Variants in AGBL4 observed in about 807,000 individuals in gnomAD.
AGBL4 encodes the protein cytosolic carboxypeptidase 6.
Under a neutral mutation model 66.4 loss-of-function variants are expected in AGBL4, and 58 were observed. The observed-to-expected ratio is 0.87, with a 90% CI of 0.71 to 1.09. The LOEUF is 1.09. Ranked by LOEUF, AGBL4 falls within the 50% of genes least tolerant of loss-of-function variation. The pLI, the probability that AGBL4 is intolerant of heterozygous loss-of-function variation, is 0.00. For missense variants in AGBL4, 579 were observed against 631.0 expected, an observed-to-expected ratio of 0.92 and a Z score of 0.88; for synonymous variants, 234 against 222.9, an observed-to-expected ratio of 1.05 and a Z score of -0.44.
At chr1:48,538,015 A>G (rs954463972) in intron 12 of AGBL4, among the ~76,000 whole-genome samples, 1 of 152,202 alleles carries the variant, frequency 6.6e-6, no homozygotes, top group Non-Finnish European at 1.5e-5. Flanking sequence ...TGCACAATGC[A>G]GGACAGGCAC....
At position 48,587,170 on chromosome 1, in the gene AGBL4, T is replaced by A. The variant is rs1644836199; in HGVS notation, c.1105-4A>T. The A allele has an allele frequency of 1.9e-6, 3 of 1,549,782 alleles. No individual in the cohort carries two copies. In the East Asian group the frequency reaches 7.3e-5, roughly 38 times the overall value. Reference sequence around the variant, plus strand: ...CCCGGTTAAAGGATGTGCTGGACTGTGAAAGACAGAGTAGGGAGGAGAGAA... The same window carrying A: ...CCCGGTTAAAGGATGTGCTGGACTGAGAAAGACAGAGTAGGGAGGAGAGAA... On this transcript the variant is annotated splice_polypyrimidine_tract_variant and splice_region_variant and intron_variant, in intron 10 of 13. Coordinates refer to ENST00000371839, the MANE Select transcript of AGBL4 (RefSeq NM_032785.4).
downstream of AGBL4, among the ~76,000 whole-genome samples, chr1:48,531,842 C>T (rs1643908298): frequency 6.6e-6 from 1 of 152,132 alleles, no homozygotes; most frequent in Non-Finnish European, 1.5e-5. Flanking sequence ...GTGGCATGAT[C>T]ATGGCTCATT....
chr1:49,049,684 C>A (rs1644167380), intron 4 of AGBL4, among the ~76,000 whole-genome samples: 1 of 151,938 alleles, frequency 6.6e-6, no homozygotes, highest in Non-Finnish European at 1.5e-5. Flanking sequence ...TAACATTCAG[C>A]TGAAGAGAAA....
At chr1:49,624,482 T>C (rs1323663124) in intron 3 of AGBL4, among the ~76,000 whole-genome samples, 1 of 152,216 alleles carries the variant, frequency 6.6e-6, no homozygotes, top group East Asian at 1.9e-4. Context: ...AGCTAAAATA[T>C]GAAACAACTC....
At chr1:48,542,019 G>A (rs1431201522) in intron 11 of AGBL4, among the ~76,000 whole-genome samples, 1 of 152,092 alleles carries the variant, frequency 6.6e-6, no homozygotes, top group East Asian at 1.9e-4. Flanking sequence ...TGGCCCCAGT[G>A]TGTGTTTTTC....
At chr1:48,814,755 T>C (rs1201053319) in intron 6 of AGBL4, among the ~76,000 whole-genome samples, 2 of 152,174 alleles carry the variant, frequency 1.3e-5, no homozygotes, top group South Asian at 2.1e-4. Flanking sequence ...TTTTTGATGA[T>C]TGACTAGTAT....
intron 3 of AGBL4, among the ~76,000 whole-genome samples, chr1:49,296,776 T>A (rs1214416192): frequency 1.3e-5 from 2 of 152,182 alleles, no homozygotes; most frequent in Non-Finnish European, 2.9e-5. Flanking sequence ...GAATAAGTCC[T>A]TGGGAGATAA....
chr1:48,802,140 C>T (rs1265358879), intron 6 of AGBL4, among the ~76,000 whole-genome samples: 1 of 152,176 alleles, frequency 6.6e-6, no homozygotes, highest in Non-Finnish European at 1.5e-5. Flanking sequence ...CCTGCTTCCT[C>T]TCTGTCCTTA....
At chr1:49,467,030 C>T (rs1167604453) in intron 3 of AGBL4, among the ~76,000 whole-genome samples, 1 of 151,690 alleles carries the variant, frequency 6.6e-6, no homozygotes, top group African/African-American at 2.4e-5. Context: ...ATACCATACC[C>T]AATAGCTAAT....
chr1:49,022,707 G>C lies in AGBL4; in HGVS notation c.594+22877C>G, dbSNP rs193187526. ...TGAACTTACTCTTCTTGGCAAAATA[G>C]ATGGGTCCATCTGGAAGAATTGATT... On this transcript the variant is annotated intron_variant, in intron 5 of 13. Coordinates refer to ENST00000371839, the MANE Select transcript of AGBL4 (RefSeq NM_032785.4). 2.0e-5 allele frequency among the ~76,000 whole-genome samples: 3 copies of C among 152,236 alleles called. No individual in the cohort carries two copies. The East Asian group carries it at 5.8e-4, about 29-fold the overall frequency.
At chr1:48,883,247 T>C (rs1570915932) in intron 5 of AGBL4, among the ~76,000 whole-genome samples, 1 of 152,124 alleles carries the variant, frequency 6.6e-6, no homozygotes, top group African/African-American at 2.4e-5. Flanking sequence ...TGTACAAGGG[T>C]TTCCTTTCCT....
chr1:49,316,765 AT>A (rs1271198906), intron 3 of AGBL4, among the ~76,000 whole-genome samples: 3 of 151,890 alleles, frequency 2.0e-5, no homozygotes, highest in Non-Finnish European at 4.4e-5. Flanking sequence ...TCAATTTTGT[AT>A]CTGGAAATTT....
intron 3 of AGBL4, among the ~76,000 whole-genome samples, chr1:49,485,222 G>A (rs1292086694): frequency 6.6e-6 from 1 of 151,868 alleles, no homozygotes; most frequent in Non-Finnish European, 1.5e-5. Context: ...GTCCAACAAT[G>A]ATAGACTGGA....
At chr1:49,407,665 C>T (rs1570644189) in intron 3 of AGBL4, among the ~76,000 whole-genome samples, 1 of 151,766 alleles carries the variant, frequency 6.6e-6, no homozygotes, top group East Asian at 1.9e-4. Context: ...CTTAATTGTT[C>T]TATGTCTTGA....
intron 2 of AGBL4, chr1:49,846,459 T>C: frequency 7.8e-7 from 1 of 1,274,138 alleles, no homozygotes; most frequent in South Asian, 1.4e-5. Context: ...CATCCCTTTC[T>C]AGATTTGACC....
chr1:49,289,033 A>G (rs989643442), intron 3 of AGBL4, among the ~76,000 whole-genome samples: 6 of 151,300 alleles, frequency 4.0e-5, no homozygotes, highest in Non-Finnish European at 3.0e-5. Context: ...GAGAGAGAGA[A>G]AGAGAGAGAG....
chr1:48,633,226 G>C (rs182140040), intron 9 of AGBL4, among the ~76,000 whole-genome samples: 11 of 152,286 alleles, frequency 7.2e-5, no homozygotes, highest in Non-Finnish European at 1.0e-4. Flanking sequence ...TGCACCTCAG[G>C]ACTGACTTTT....
At chr1:49,510,027 G>C (rs1649064379) in intron 3 of AGBL4, among the ~76,000 whole-genome samples, 1 of 151,932 alleles carries the variant, frequency 6.6e-6, no homozygotes, top group Non-Finnish European at 1.5e-5. Context: ...TGAAGGCAAG[G>C]CTTGCTTTGT....
intron 5 of AGBL4, among the ~76,000 whole-genome samples, chr1:48,966,946 C>T (rs896116617): frequency 2.0e-5 from 3 of 151,936 alleles, no homozygotes. Flanking sequence ...CTTGTCAGAA[C>T]ACTAAGGCTT....
Sources: gnomAD v4.1 joint callset for allele counts (sites outside exome capture counted in the v4.1 genomes callset) on GRCh38, gnomAD v4.1.1 for gene constraint, MANE v1.5 for transcripts, NCBI Gene and HGNC (gene_info 2026-07-23, HGNC 2026-07-21) for gene names.